LGR4: variants seen among roughly 807,000 people sequenced by gnomAD.
The protein encoded by LGR4 is leucine rich repeat containing G protein-coupled receptor 4.
A neutral mutation model predicts 84.8 loss-of-function variants in LGR4; 44 were observed. The observed-to-expected ratio is 0.52, with a 90% CI of 0.41 to 0.67. LGR4 has a LOEUF of 0.67. Among genes scored for constraint, LGR4 ranks in the 30% least tolerant of loss-of-function variants. LGR4 has a pLI of 0.00. For synonymous variants in LGR4, 429 were observed against 434.3 expected (o/e 0.99, Z 0.15); for missense variants, 1,032 against 1,131.4 (o/e 0.91, Z 1.26).
Position 27,368,503 on chromosome 11 carries a change from G to A in LGR4, c.2220C>T (p.Asn740=), listed in dbSNP as rs1288665612. The change falls in exon 18 of 18, where the codon AAC becomes AAT. Residue 740 remains asparagine (N), a synonymous_variant. Coordinates refer to ENST00000379214, the MANE Select transcript of LGR4 (RefSeq NM_018490.5). ...CNLEKEDLSE[N]SQSSMIKHVA... ...CATGCTTAATCATGCTAGATTGTGA[G>A]TTTTCTGAGAGGTCCTCTTTTTCCA... The A allele has an allele frequency of 6.2e-7, 1 of 1,614,216 alleles. No homozygotes were observed. The highest frequency in any genetic ancestry group is 1.3e-5 in the African/African-American group (1 of 75,064).
At chr11:27,392,307 C>A in intron 3 of LGR4, 140 bp downstream of exon 3, 1 of 596,278 alleles carries the variant, frequency 1.7e-6, no homozygotes, top group Non-Finnish European at 2.8e-6. Flanking sequence ...ACTCTGGCCT[C>A]TCATACTACT....
chr11:27,468,060 A>T (rs996761224), intron 1 of LGR4, among the ~76,000 whole-genome samples: 1 of 152,222 alleles, frequency 6.6e-6, no homozygotes, highest in Non-Finnish European at 1.5e-5. Context: ...TACGTTAAAA[A>T]GTACTTTCAA....
chr11:27,436,855 T>C (rs1245890163), intron 1 of LGR4, among the ~76,000 whole-genome samples: 1 of 152,046 alleles, frequency 6.6e-6, no homozygotes, highest in Non-Finnish European at 1.5e-5. Flanking sequence ...TTGAATCTGT[T>C]TGATAGATAG....
chr11:27,402,798 T>C (rs1863527889), intron 2 of LGR4, among the ~76,000 whole-genome samples: 1 of 152,178 alleles, frequency 6.6e-6, no homozygotes, highest in Non-Finnish European at 1.5e-5. Context: ...TGCCCCTCTT[T>C]ATTCCCTACT....
chr11:27,373,781 C>G (rs2133362965), intron 14 of LGR4, 105 bp from the exon 15 acceptor site: 2 of 1,165,996 alleles, frequency 1.7e-6, no homozygotes, highest in East Asian at 4.8e-5. Flanking sequence ...AGATGAAGTT[C>G]AAGTGGGGGT....
intron 1 of LGR4, among the ~76,000 whole-genome samples, chr11:27,461,099 T>C (rs765229347): frequency 6.6e-6 from 1 of 152,186 alleles, no homozygotes; most frequent in Non-Finnish European, 1.5e-5. Flanking sequence ...AAGAATGTCA[T>C]ATAAACTTTT....
At chr11:27,428,715 T>C (rs1182631449) in intron 1 of LGR4, among the ~76,000 whole-genome samples, 7 of 151,854 alleles carry the variant, frequency 4.6e-5, no homozygotes, top group African/African-American at 1.5e-4. Flanking sequence ...TGATTAGAGG[T>C]TGGAAAAAAA....
chr11:27,439,803 G>T (rs942304995), intron 1 of LGR4, among the ~76,000 whole-genome samples: 1 of 151,724 alleles, frequency 6.6e-6, no homozygotes, highest in East Asian at 1.9e-4. Context: ...GGTAGTGAGC[G>T]AATACTTTAA....
intron 2 of LGR4, among the ~76,000 whole-genome samples, chr11:27,409,447 A>G (rs1435050090): frequency 1.3e-5 from 2 of 152,062 alleles, no homozygotes; most frequent in Non-Finnish European, 2.9e-5. Context: ...CTAAACACAT[A>G]CTATTTACAC....
intron 1 of LGR4, among the ~76,000 whole-genome samples, chr11:27,428,148 T>TTTC (rs907218009): frequency 2.6e-5 from 4 of 151,946 alleles, no homozygotes; most frequent in African/African-American, 9.7e-5. Flanking sequence ...TCTTTTTTTT[T>TTTC]TTTCTTTTTC....
At chr11:27,469,105 G>A (rs1373074376) in intron 1 of LGR4, among the ~76,000 whole-genome samples, 1 of 152,208 alleles carries the variant, frequency 6.6e-6, no homozygotes, top group Non-Finnish European at 1.5e-5. Context: ...ACAGGCCAGT[G>A]CATTGTGACA....
chr11:27,386,140 A>G (rs1296159938), intron 4 of LGR4, among the ~76,000 whole-genome samples: 1 of 152,190 alleles, frequency 6.6e-6, no homozygotes, highest in Admixed American at 6.5e-5. Context: ...GGAAAAACCA[A>G]GCAGCTCCTG....
chr11:27,467,771 T>G (rs867843230), intron 1 of LGR4, among the ~76,000 whole-genome samples: 8 of 152,118 alleles, frequency 5.3e-5, no homozygotes, highest in African/African-American at 1.4e-4. Context: ...GAATATTTTT[T>G]CCTCGCTTAT....
chr11:27,460,401 T>G (rs905278505), intron 1 of LGR4, among the ~76,000 whole-genome samples: 11 of 152,176 alleles, frequency 7.2e-5, no homozygotes, highest in African/African-American at 2.2e-4. Context: ...TACTGGGAAT[T>G]CAAGCATCTG....
intron 14 of LGR4, 59 bp downstream of exon 14, chr11:27,373,916 G>T: frequency 1.7e-6 from 2 of 1,200,982 alleles, no homozygotes; most frequent in Non-Finnish European, 2.5e-6. Context: ...TGTTAAAACA[G>T]ATGTTTCTAT....
At chr11:27,400,508 T>C (rs1163456573) in intron 2 of LGR4, among the ~76,000 whole-genome samples, 1 of 142,600 alleles carries the variant, frequency 7.0e-6, no homozygotes, top group Non-Finnish European at 1.5e-5. Flanking sequence ...TTTCTTTTCC[T>C]TTTTTTTTTT....
At chr11:27,403,817 T>C (rs1392376676) in intron 2 of LGR4, among the ~76,000 whole-genome samples, 1 of 152,216 alleles carries the variant, frequency 6.6e-6, no homozygotes, top group Non-Finnish European at 1.5e-5. Flanking sequence ...AAGTCCAGTT[T>C]ATATTAAGCA....
At chr11:27,402,526 AG>A (rs1466139892) in intron 2 of LGR4, among the ~76,000 whole-genome samples, 5 of 152,148 alleles carry the variant, frequency 3.3e-5, no homozygotes, top group Non-Finnish European at 7.4e-5. Context: ...ACTGTTTAAA[AG>A]TTACTTTTAA....
In LGR4 at chr11:27,372,402, G is replaced by GA. The variant is rs759626397; in HGVS notation, c.1380-5dup. The GA allele has an allele frequency of 3.2e-5, 50 of 1,561,960 alleles. No homozygotes were observed. Among genetic ancestry groups the GA allele is most frequent in the Middle Eastern group, 1.7e-4 (1 of 5,994 alleles). ...AGCATATGGTACTGATAAAGACCTG[G>GA]AAAAAAAAGTTGTAAAATCTACACT... On this transcript the variant is annotated splice_polypyrimidine_tract_variant and splice_region_variant and intron_variant, in intron 15 of 17. Coordinates refer to ENST00000379214, the MANE Select transcript of LGR4 (RefSeq NM_018490.5).
Sources: allele counts gnomAD v4.1 joint callset (sites outside exome capture counted in the v4.1 genomes callset), GRCh38; gene constraint gnomAD v4.1.1; transcripts MANE v1.5; gene names NCBI Gene and HGNC (gene_info 2026-07-23, HGNC 2026-07-21).